Variants in ERH observed in about 807,000 individuals in gnomAD.
ERH encodes enhancer of rudimentary homolog.
ERH carries 1 observed loss-of-function variant against 16.8 expected under a neutral mutation model. The ratio of observed to expected loss-of-function variants is 0.06; its 90% confidence interval spans 0.02 to 0.28. ERH has a LOEUF of 0.28. Among genes scored for constraint, ERH ranks in the 10% least tolerant of loss-of-function variants. The pLI is 1.00. For missense variants in ERH, 42 were observed against 127.5 expected, an observed-to-expected ratio of 0.33 and a Z score of 3.23; for synonymous variants, 43 against 43.6, an observed-to-expected ratio of 0.99 and a Z score of 0.05.
intron 3 of ERH, among the ~76,000 whole-genome samples, chr14:69,381,449 TG>T (rs902619259): frequency 1.3e-5 from 2 of 152,154 alleles, no homozygotes; most frequent in Admixed American, 6.5e-5. Flanking sequence ...AAATAAATAA[TG>T]CTAGAGGCCT....
At chr14:69,385,807 T>C (rs1257205031) in intron 3 of ERH, among the ~76,000 whole-genome samples, 1 of 151,984 alleles carries the variant, frequency 6.6e-6, no homozygotes, top group African/African-American at 2.4e-5. Context: ...AATCCAGGGG[T>C]CAATTAAATT....
intron 1 of ERH, among the ~76,000 whole-genome samples, chr14:69,395,468 CCTTTTCT>C (rs1882314232): frequency 6.6e-6 from 1 of 152,184 alleles, no homozygotes; most frequent in Admixed American, 6.5e-5. Flanking sequence ...CCCTCCTTTT[CCTTTTCT>C]ATCTTTTCTT....
At chr14:69,395,338 A>T (rs1307255021) in intron 1 of ERH, among the ~76,000 whole-genome samples, 3 of 152,114 alleles carry the variant, frequency 2.0e-5, no homozygotes, top group Non-Finnish European at 4.4e-5. Flanking sequence ...CCACAAAAAT[A>T]TTGATGTCTT....
At chr14:69,391,654 CAAAAAAAAAAAAAAA>C (rs58399149) in intron 2 of ERH, among the ~76,000 whole-genome samples, 411 of 22,008 alleles carry the variant, frequency 0.019, 8 homozygotes, top group African/African-American at 0.05. Flanking sequence ...TCTCGCACGC[CAAAAAAAAAAAAAAA>C]AAAAAAAAAA....
At chr14:69,397,717 G>A (rs140734049) in intron 1 of ERH, among the ~76,000 whole-genome samples, 1,529 of 152,230 alleles carry the variant, frequency 0.01, 20 homozygotes, top group Non-Finnish European at 0.014. Flanking sequence ...TCAGGAGTTC[G>A]AGACCAGCCT....
At position 69,389,096 on chromosome 14, in the gene ERH, C is replaced by T. The variant is rs190557178; in HGVS notation, c.92-2013G>A. Among the ~76,000 whole-genome samples, 234 of 152,254 alleles carry T rather than the reference C, an allele frequency of 1.5e-3. 4 individuals are homozygous for T. The highest frequency in any genetic ancestry group is 7.1e-3 in the East Asian group (37 of 5,186). On this transcript the variant is annotated intron_variant, in intron 2 of 3. Coordinates refer to ENST00000557016, the MANE Select transcript of ERH (RefSeq NM_004450.3). ...AGTGCATTGGCACAATCTCGGCTCA[C>T]TGCAACCTCTGCCTCCCGGATTCAA...
intron 2 of ERH, among the ~76,000 whole-genome samples, chr14:69,393,886 C>T (rs576549409): frequency 5.9e-5 from 9 of 152,064 alleles, no homozygotes; most frequent in South Asian, 4.1e-4. Flanking sequence ...CCAGGTGTGG[C>T]GGCAGGTGCC....
chr14:69,387,212 G>A, intron 2 of ERH, 129 bp from the exon 3 acceptor site: 3 of 679,490 alleles, frequency 4.4e-6, no homozygotes, highest in Non-Finnish European at 7.1e-6. Flanking sequence ...GGGAAAAGAT[G>A]ATAGATTGAT....
intron 3 of ERH, among the ~76,000 whole-genome samples, chr14:69,382,600 G>C (rs2045868999): frequency 6.6e-6 from 1 of 151,876 alleles, no homozygotes. Flanking sequence ...TTGGGAGGCT[G>C]AGGCAGGCGG....
At chr14:69,385,384 T>G (rs2045885278) in intron 3 of ERH, among the ~76,000 whole-genome samples, 1 of 152,176 alleles carries the variant, frequency 6.6e-6, no homozygotes, top group Admixed American at 6.5e-5. Context: ...CTGTTTCAAA[T>G]GATGTCCTTG....
At chr14:69,386,191 G>A (rs2045891690) in intron 3 of ERH, among the ~76,000 whole-genome samples, 1 of 152,204 alleles carries the variant, frequency 6.6e-6, no homozygotes, top group African/African-American at 2.4e-5. Flanking sequence ...GGAACTTTTG[G>A]GGAGACAGCA....
intron 1 of ERH, among the ~76,000 whole-genome samples, chr14:69,397,519 C>G (rs1270965505): frequency 6.6e-6 from 1 of 151,984 alleles, no homozygotes; most frequent in Non-Finnish European, 1.5e-5. Flanking sequence ...CAAATACGTC[C>G]TCTCCTGGCC....
intron 1 of ERH, among the ~76,000 whole-genome samples, chr14:69,397,175 G>A (rs1882362524): frequency 6.6e-6 from 1 of 152,150 alleles, no homozygotes; most frequent in African/African-American, 2.4e-5. Flanking sequence ...AACATAACAT[G>A]ATACATTTTA....
intron 3 of ERH, among the ~76,000 whole-genome samples, chr14:69,382,791 AAAG>A (rs971161610): frequency 2.1e-5 from 3 of 140,050 alleles, no homozygotes; most frequent in African/African-American, 7.9e-5. Flanking sequence ...TCTATCTCCA[AAAG>A]AAAAAAAAAA....
chr14:69,383,091 C>T (rs1286413251), intron 3 of ERH, among the ~76,000 whole-genome samples: 1 of 152,104 alleles, frequency 6.6e-6, no homozygotes, highest in South Asian at 2.1e-4. Flanking sequence ...CTTTATGTCT[C>T]TAAGCAAACA....
At chr14:69,394,460 G>A (rs964056707) in intron 2 of ERH, among the ~76,000 whole-genome samples, 7 of 152,198 alleles carry the variant, frequency 4.6e-5, no homozygotes, top group Non-Finnish European at 7.3e-5. Flanking sequence ...TCTGGGTGTG[G>A]TGGCCCATGC....
At chr14:69,386,559 G>A (rs139386260) in intron 3 of ERH, 75 of 156,458 alleles carry the variant, frequency 4.8e-4, no homozygotes, top group African/African-American at 1.7e-3. Context: ...CTTACACAGC[G>A]TAGGATTGAA....
chr14:69,383,893 A>G (rs2045877239), intron 3 of ERH, among the ~76,000 whole-genome samples: 2 of 152,202 alleles, frequency 1.3e-5, no homozygotes, highest in Admixed American at 6.5e-5. Context: ...CATGCCTGTA[A>G]TATCACTCCT....
At chr14:69,386,784 C>G in intron 3 of ERH, 179 bp downstream of exon 3, 1 of 505,386 alleles carries the variant, frequency 2.0e-6, no homozygotes, top group Non-Finnish European at 3.3e-6. Context: ...TTTTTCTGTG[C>G]CTTTGGCTTT....
Sources: gnomAD v4.1 joint callset for allele counts (sites outside exome capture counted in the v4.1 genomes callset) on GRCh38, gnomAD v4.1.1 for gene constraint, MANE v1.5 for transcripts, NCBI Gene and HGNC (gene_info 2026-07-23, HGNC 2026-07-21) for gene names.